The following CLVS1 variants were observed in gnomAD, a reference collection of about 807,000 sequenced individuals.
CLVS1 encodes the protein clavesin 1.
Under a neutral mutation model 33.1 loss-of-function variants are expected in CLVS1, and 10 were observed. The observed-to-expected ratio is 0.30, with a 90% CI of 0.19 to 0.51. CLVS1 has a LOEUF of 0.51. Among genes scored for constraint, CLVS1 ranks in the 20% least tolerant of loss-of-function variants. The probability of loss-of-function intolerance (pLI) is 0.97; values close to 1 mark genes in which losing one functional copy is unlikely to be tolerated. For synonymous variants in CLVS1, 163 were observed against 166.1 expected (o/e 0.98, Z 0.14); for missense variants, 343 against 433.4 (o/e 0.79, Z 1.85).
intron 2 of CLVS1, among the ~76,000 whole-genome samples, chr8:61,340,938 TG>T (rs1236308211): frequency 7.2e-5 from 11 of 152,360 alleles, no homozygotes; most frequent in African/African-American, 2.6e-4. Context: ...TTGGCAGTTT[TG>T]GGAATGTGAA....
intron 2 of CLVS1, among the ~76,000 whole-genome samples, chr8:61,235,230 A>G (rs374826350): frequency 6.6e-6 from 1 of 152,206 alleles, no homozygotes; most frequent in South Asian, 2.1e-4. Context: ...AAACTGTCCT[A>G]GCTGCCTGAG....
At chr8:61,210,502 G>A (rs1807949236) in intron 2 of CLVS1, among the ~76,000 whole-genome samples, 1 of 152,214 alleles carries the variant, frequency 6.6e-6, no homozygotes, top group Admixed American at 6.5e-5. Flanking sequence ...TGTCATGAGA[G>A]GGCCTGTGAG....
intron 1 of CLVS1, among the ~76,000 whole-genome samples, chr8:61,098,813 C>T (rs1011140029): frequency 6.6e-6 from 1 of 152,112 alleles, no homozygotes; most frequent in African/African-American, 2.4e-5. Context: ...ACATTTGGGT[C>T]TTGGGAATTG....
chr8:61,398,161 T>C (rs2129603418), intron 3 of CLVS1, among the ~76,000 whole-genome samples: 1 of 151,846 alleles, frequency 6.6e-6, no homozygotes, highest in East Asian at 1.9e-4. Flanking sequence ...TGTTTTATAC[T>C]GTTTGTTTTA....
chr8:61,412,089 C>T (rs1815253392), intron 3 of CLVS1, among the ~76,000 whole-genome samples: 1 of 152,154 alleles, frequency 6.6e-6, no homozygotes, highest in Admixed American at 6.5e-5. Context: ...TCTTAACACA[C>T]ATTAGCAAAT....
At chr8:61,341,040 C>T (rs1812011967) in intron 2 of CLVS1, among the ~76,000 whole-genome samples, 2 of 152,184 alleles carry the variant, frequency 1.3e-5, no homozygotes, top group African/African-American at 2.4e-5. Flanking sequence ...AGGCAGGATG[C>T]AAGCACTGAA....
intron 1 of CLVS1, among the ~76,000 whole-genome samples, chr8:61,098,694 C>G (rs1170409176): frequency 6.6e-6 from 1 of 152,124 alleles, no homozygotes; most frequent in African/African-American, 2.4e-5. Context: ...ATTTCAGCAA[C>G]TTCCTTAGGG....
At chr8:61,475,599 G>C (rs1267219133) in intron 5 of CLVS1, among the ~76,000 whole-genome samples, 1 of 152,156 alleles carries the variant, frequency 6.6e-6, no homozygotes, top group Non-Finnish European at 1.5e-5. Context: ...GTCTTCTTTT[G>C]AGAAGTGTCT....
At position 61,156,214 on chromosome 8, in the gene CLVS1, C is replaced by CAAAA. The variant is rs56094016; in HGVS notation, c.-152+24371_-152+24374dup. ...TGGGCTACAGAGAGAGATTCCATCTCAAAAAAAAAAAAAAAAAAAAGCCTT... is the reference window on the plus strand; with the variant it reads ...TGGGCTACAGAGAGAGATTCCATCTCAAAAAAAAAAAAAAAAAAAAAAAAGCCTT... On this transcript the variant is annotated intron_variant, in intron 2 of 2. Coordinates refer to the CLVS1 transcript ENST00000522621. Among the ~76,000 whole-genome samples the CAAAA allele has an allele frequency of 1.8e-3, 101 of 56,252 alleles. 3 individuals are homozygous for CAAAA. Among genetic ancestry groups the CAAAA allele is most frequent in the African/African-American group, 5.3e-3 (66 of 12,342 alleles). The allele number at this position is 56,252 out of a possible 152,430, so 36.9% of individuals were successfully genotyped here. A position where few individuals can be genotyped will look rare whatever the true frequency, so the allele number is the denominator to read the frequency against.
intron 3 of CLVS1, among the ~76,000 whole-genome samples, chr8:61,426,635 C>G (rs1406354371): frequency 6.6e-6 from 1 of 152,196 alleles, no homozygotes; most frequent in Non-Finnish European, 1.5e-5. Flanking sequence ...TGCTTTTGGT[C>G]TGCGGTCCTA....
chr8:61,232,671 A>C (rs972944781), intron 2 of CLVS1, among the ~76,000 whole-genome samples: 2 of 152,124 alleles, frequency 1.3e-5, no homozygotes, highest in Non-Finnish European at 2.9e-5. Flanking sequence ...TAAATCTAGA[A>C]ACTTACTGAA....
chr8:61,223,700 A>G (rs563096455), intron 2 of CLVS1, among the ~76,000 whole-genome samples: 5 of 152,222 alleles, frequency 3.3e-5, no homozygotes, highest in African/African-American at 1.2e-4. Context: ...TGTTCTCTGT[A>G]TTTCCTGAAT....
the CLVS1 span, among the ~76,000 whole-genome samples, chr8:60,991,584 T>C: frequency 6.6e-6 from 1 of 152,174 alleles, no homozygotes. Flanking sequence ...TGCTTCTGTG[T>C]CCTCTTGTCT....
intron 3 of CLVS1, among the ~76,000 whole-genome samples, chr8:61,402,890 A>C (rs1814825050): frequency 1.3e-5 from 2 of 152,244 alleles, no homozygotes; most frequent in Non-Finnish European, 2.9e-5. Flanking sequence ...TTGTGCATAC[A>C]TACACTGGGG....
At chr8:61,188,603 A>C (rs1235732170) in intron 2 of CLVS1, among the ~76,000 whole-genome samples, 1 of 152,156 alleles carries the variant, frequency 6.6e-6, no homozygotes, top group African/African-American at 2.4e-5. Flanking sequence ...AAGGGATATC[A>C]ATATAAAAAT....
chr8:61,139,646 C>T (rs543338820), intron 2 of CLVS1, among the ~76,000 whole-genome samples: 2 of 151,974 alleles, frequency 1.3e-5, no homozygotes, highest in South Asian at 4.2e-4. Flanking sequence ...AAGGCGACAT[C>T]CCGGCCTCAG....
At chr8:61,164,899 C>T (rs1307082333) in intron 2 of CLVS1, among the ~76,000 whole-genome samples, 1 of 152,136 alleles carries the variant, frequency 6.6e-6, no homozygotes, top group Admixed American at 6.5e-5. Context: ...TCATTGGAGC[C>T]ATATTATTAC....
chr8:61,217,205 C>A (rs149940797), intron 2 of CLVS1, among the ~76,000 whole-genome samples: 2 of 152,254 alleles, frequency 1.3e-5, no homozygotes, highest in Admixed American at 6.5e-5. Flanking sequence ...TATAAAAGAT[C>A]TCTTATACTT....
In CLVS1 at chr8:61,316,705, A is replaced by G. The variant is rs776213921; in HGVS notation, c.455+16423A>G. On this transcript the variant is annotated intron_variant, in intron 2 of 5. Coordinates refer to ENST00000325897, the MANE Select transcript of CLVS1 (RefSeq NM_173519.3). ...ATATATTTTGCTCTCTCACACATAC[A>G]CATACAATTGAGCATCCACTGTGTA... Among the ~76,000 whole-genome samples the G allele has an allele frequency of 1.5e-4, 23 of 152,220 alleles. No homozygotes were observed. The South Asian group carries it at 3.1e-3, about 21-fold the overall frequency.
Sources: gnomAD v4.1 joint callset for allele counts (sites outside exome capture counted in the v4.1 genomes callset) on GRCh38, gnomAD v4.1.1 for gene constraint, MANE v1.5 for transcripts, NCBI Gene and HGNC (gene_info 2026-07-23, HGNC 2026-07-21) for gene names.